TTC7A: variants seen among roughly 807,000 people sequenced by gnomAD.
TTC7A encodes tetratricopeptide repeat protein 7A.
Under a neutral mutation model 103.7 loss-of-function variants are expected in TTC7A, and 110 were observed. The ratio of observed to expected loss-of-function variants is 1.06; its 90% confidence interval spans 0.91 to 1.24. The LOEUF (loss-of-function observed/expected upper bound fraction) is 1.24. Among genes scored for constraint, TTC7A ranks in the 50% most tolerant of loss-of-function variants. The pLI, the probability that TTC7A is intolerant of heterozygous loss-of-function variation, is 0.00. For missense variants in TTC7A, 1,340 were observed against 1,116.3 expected (o/e 1.20, Z -2.86); for synonymous variants, 521 against 467.9 (o/e 1.11, Z -1.47).
intron 17 of TTC7A, chr2:47,050,896 T>G (rs1682803919): frequency 1.3e-5 from 2 of 152,202 alleles, no homozygotes; most frequent in South Asian, 4.1e-4. Context: ...TCATCCGTGG[T>G]TTGCCGTGAG....
chr2:47,005,802 TG>T lies in TTC7A; in HGVS notation c.1066-118del, dbSNP rs1230735957. The T allele has an allele frequency of 4.6e-6, 5 of 1,098,476 alleles. No homozygotes were observed. In the East Asian group the frequency reaches 1.2e-4, roughly 27 times the overall value. 68.0% of individuals were successfully genotyped at this position (1,098,476 alleles called of 1,614,324 possible). On this transcript the variant is annotated intron_variant, in intron 8 of 19. Coordinates refer to ENST00000319190, the MANE Select transcript of TTC7A (RefSeq NM_020458.4). The stretch of plus-strand genomic sequence containing the variant: ...ATTTCTGGGAGTGTGGCCATCTTTC[TG>T]GCTTGGGGCAGTGGCAAAAAGGTGA...
chr2:47,075,601 A>C lies in TTC7A; in HGVS notation c.*1678A>C, dbSNP rs754915747. On this transcript the variant is annotated 3_prime_UTR_variant, in exon 20 of 20. Transcript: ENST00000319190. ...TATATTCACTGGGCATGTAGCTCCC[A>C]CACCAGCCTTGAGCCAGGCCCTGGA... is the stretch of plus-strand genomic sequence containing the variant. 3 of 152,246 alleles carry C rather than the reference A, an allele frequency of 2.0e-5. No individual in the cohort carries two copies. The highest frequency in any genetic ancestry group is 7.2e-5 in the African/African-American group (3 of 41,456). 9.4% of individuals were successfully genotyped at this position (152,246 alleles called of 1,614,324 possible).
At chr2:47,024,455 C>T in intron 14 of TTC7A, 96 bp downstream of exon 14, 1 of 1,119,040 alleles carries the variant, frequency 8.9e-7, no homozygotes, top group Non-Finnish European at 1.3e-6. Context: ...CTGCAAGTGA[C>T]TTTGCCTCCC....
intron 11 of TTC7A, among the ~76,000 whole-genome samples, chr2:47,016,489 T>C (rs1231687484): frequency 1.3e-5 from 2 of 152,210 alleles, no homozygotes; most frequent in Non-Finnish European, 2.9e-5. Flanking sequence ...CTAATCACTC[T>C]AGAATTGCAG....
At chr2:47,014,127 A>T (rs1678371914) in intron 11 of TTC7A, among the ~76,000 whole-genome samples, 1 of 152,176 alleles carries the variant, frequency 6.6e-6, no homozygotes, top group African/African-American at 2.4e-5. Flanking sequence ...TTGCCGATGG[A>T]CACATTCACT....
At chr2:46,929,949 C>T (rs1041837723) in intron 2 of TTC7A, among the ~76,000 whole-genome samples, 10 of 152,150 alleles carry the variant, frequency 6.6e-5, no homozygotes, top group Admixed American at 2.0e-4. Context: ...ACAGTGGCTG[C>T]TTTGCTAGCT....
At chr2:47,035,650 A>G (rs55855730) in intron 15 of TTC7A, 14,703 of 152,306 alleles carry the variant, frequency 0.097, 761 homozygotes, top group Non-Finnish European at 0.12. Flanking sequence ...AAAGAAAGGA[A>G]AGAGGAAGGA....
At chr2:47,047,047 C>T (rs191554513) in intron 16 of TTC7A, 56 of 532,498 alleles carry the variant, frequency 1.1e-4, no homozygotes, top group African/African-American at 9.8e-4. Context: ...TGGGCCAGAG[C>T]AGGGCACTCT....
intron 2 of TTC7A, among the ~76,000 whole-genome samples, chr2:46,935,375 G>T (rs1041458204): frequency 6.6e-6 from 1 of 152,074 alleles, no homozygotes. Context: ...TGGAAGAGCT[G>T]CTTTAAAATA....
chr2:47,047,652 C>A (rs1216676021), intron 16 of TTC7A, among the ~76,000 whole-genome samples: 1 of 152,238 alleles, frequency 6.6e-6, no homozygotes, highest in East Asian at 1.9e-4. Flanking sequence ...GTTCCTGCAT[C>A]CTTATCTGGA....
chr2:46,943,609 G>A (rs879846052), intron 1 of TTC7A, among the ~76,000 whole-genome samples: 19 of 152,228 alleles, frequency 1.2e-4, no homozygotes, highest in African/African-American at 3.9e-4. Flanking sequence ...AAGCCCATGC[G>A]TAGAGCATTG....
chr2:47,054,368 A>C (rs1683143476), intron 18 of TTC7A, among the ~76,000 whole-genome samples: 1 of 152,122 alleles, frequency 6.6e-6, no homozygotes, highest in Non-Finnish European at 1.5e-5. Flanking sequence ...TTCACATTCC[A>C]AGGCAAACGA....
intron 3 of TTC7A, among the ~76,000 whole-genome samples, chr2:46,961,604 TA>T (rs377376375): frequency 6.9e-6 from 1 of 144,842 alleles, no homozygotes; most frequent in Non-Finnish European, 1.5e-5. Flanking sequence ...AATAAATAAA[TA>T]AAATAAAAAA....
chr2:46,982,108 C>T (rs1337155324), intron 5 of TTC7A, among the ~76,000 whole-genome samples: 1 of 152,222 alleles, frequency 6.6e-6, no homozygotes, highest in Non-Finnish European at 1.5e-5. Flanking sequence ...AGCAGTGGCT[C>T]ACATCTGTAA....
At chr2:47,019,217 T>C (rs1347295556) in intron 11 of TTC7A, among the ~76,000 whole-genome samples, 1 of 152,196 alleles carries the variant, frequency 6.6e-6, no homozygotes, top group Non-Finnish European at 1.5e-5. Flanking sequence ...GCAAAAAGCC[T>C]GCCTTGTAGT....
At chr2:47,066,989 G>A (rs1396592251) in intron 19 of TTC7A, among the ~76,000 whole-genome samples, 2 of 152,216 alleles carry the variant, frequency 1.3e-5, no homozygotes, top group African/African-American at 4.8e-5. Flanking sequence ...CTCATCCCAT[G>A]GCGGAAGGTG....
intron 3 of TTC7A, among the ~76,000 whole-genome samples, chr2:46,968,933 T>TG (rs1431214685): frequency 5.5e-5 from 5 of 91,726 alleles, no homozygotes; most frequent in Non-Finnish European, 1.2e-4. Context: ...TTTGTTTTTG[T>TG]GTTTTTTTTT....
chr2:46,941,777 G>A lies in TTC7A; in HGVS notation c.184+52G>A. 1 of 1,544,392 alleles carries A rather than the reference G, an allele frequency of 6.5e-7. No homozygotes were observed. The highest frequency in any genetic ancestry group is 8.7e-7 in the Non-Finnish European group (1 of 1,143,992). On this transcript the variant is annotated intron_variant, in intron 1 of 19. Coordinates refer to ENST00000319190, the MANE Select transcript of TTC7A (RefSeq NM_020458.4). This position sits in a 1 kb window ranked among gnomAD's most constrained non-coding sequence, Gnocchi z 4.2. ...CGGCAGCGAGCGCGCGAAACGCACC[G>A]CCTCCTCCAGGAAGCGCGCCCAGAC...
intron 18 of TTC7A, among the ~76,000 whole-genome samples, chr2:47,057,799 A>G (rs78616236): frequency 0.017 from 2,624 of 152,180 alleles, 96 homozygotes; most frequent in African/African-American, 0.061. Context: ...TCCAGCTCCA[A>G]TGCCTCCTCC....
Sources: allele counts gnomAD v4.1 joint callset (sites outside exome capture counted in the v4.1 genomes callset), GRCh38; gene constraint gnomAD v4.1.1; non-coding constraint Gnocchi (gnomAD v3.1); transcripts MANE v1.5; gene names NCBI Gene and HGNC (gene_info 2026-07-23, HGNC 2026-07-21).